RPH3A: variants seen among roughly 807,000 people sequenced by gnomAD.
RPH3A encodes rabphilin 3A, also known as rabphilin-3A.
Under a neutral mutation model 102.2 loss-of-function variants are expected in RPH3A, and 48 were observed. That is an observed-to-expected ratio of 0.47 (90% CI 0.37 to 0.60). The LOEUF is 0.60. RPH3A is among the 20% of genes least tolerant of loss of function. The pLI, the probability that RPH3A is intolerant of heterozygous loss-of-function variation, is 0.00. For missense variants in RPH3A, 781 were observed against 910.1 expected (o/e 0.86, Z 1.83); for synonymous variants, 310 against 324.3 (o/e 0.96, Z 0.47).
At position 112,713,054 on chromosome 12, in the gene RPH3A, T is replaced by C. The variant is rs946695624; in HGVS notation, c.-139-79089T>C. Among the ~76,000 whole-genome samples, 132 of 63,504 alleles carry C rather than the reference T, an allele frequency of 2.1e-3. 2 individuals are homozygous for C. Among genetic ancestry groups the C allele is most frequent in the Middle Eastern group, 6.1e-3 (1 of 164 alleles). 41.7% of individuals were successfully genotyped at this position (63,504 alleles called of 152,430 possible). On this transcript the variant is annotated intron_variant, in intron 1 of 21. Coordinates refer to the RPH3A transcript ENST00000543106. Reference sequence around the variant, plus strand: ...TTCTTCTTCTTCTTCTTCTTCTCCTTCTTCTTCTTCTTCTTCTTCTTCTTC... The same window carrying C: ...TTCTTCTTCTTCTTCTTCTTCTCCTCCTTCTTCTTCTTCTTCTTCTTCTTC...
chr12:112,746,078 A>G (rs1036389082), intron 1 of RPH3A, among the ~76,000 whole-genome samples: 13 of 152,136 alleles, frequency 8.5e-5, no homozygotes, highest in African/African-American at 2.9e-4. Context: ...CTTCCTTGTC[A>G]GAGTACTACG....
chr12:112,675,476 C>T (rs1404888040), intron 1 of RPH3A, among the ~76,000 whole-genome samples: 1 of 152,192 alleles, frequency 6.6e-6, no homozygotes, highest in Non-Finnish European at 1.5e-5. Context: ...TGATTCTCCT[C>T]ATCTTGCAGG....
At chr12:112,724,712 T>C (rs1196195236) in intron 1 of RPH3A, among the ~76,000 whole-genome samples, 1 of 152,234 alleles carries the variant, frequency 6.6e-6, no homozygotes, top group African/African-American at 2.4e-5. Flanking sequence ...CTCACGCCTG[T>C]AATCCTAGCA....
intron 1 of RPH3A, among the ~76,000 whole-genome samples, chr12:112,706,788 G>T (rs2040430127): frequency 6.6e-6 from 1 of 152,158 alleles, no homozygotes; most frequent in Admixed American, 6.5e-5. Flanking sequence ...GAGAGATAGG[G>T]TTTGGAGTCT....
At chr12:112,647,539 C>A (rs1192024927) in intron 1 of RPH3A, among the ~76,000 whole-genome samples, 3 of 151,982 alleles carry the variant, frequency 2.0e-5, no homozygotes, top group Non-Finnish European at 4.4e-5. Flanking sequence ...ATGCTGCAAT[C>A]AACAGAATAA....
At chr12:112,609,371 C>T (rs1463182291) in intron 1 of RPH3A, among the ~76,000 whole-genome samples, 1 of 152,188 alleles carries the variant, frequency 6.6e-6, no homozygotes, top group African/African-American at 2.4e-5. Flanking sequence ...GCAGATCTGA[C>T]CATTCACTCA....
chr12:112,701,979 A>ATT (rs750454963), intron 1 of RPH3A, among the ~76,000 whole-genome samples: 2 of 152,196 alleles, frequency 1.3e-5, no homozygotes, highest in Non-Finnish European at 2.9e-5. Context: ...CATTTTTGCG[A>ATT]TTAAGAGCAG....
intron 1 of RPH3A, among the ~76,000 whole-genome samples, chr12:112,618,715 T>C (rs1317481769): frequency 1.3e-5 from 2 of 152,216 alleles, no homozygotes; most frequent in Non-Finnish European, 2.9e-5. Flanking sequence ...ATATAATTCT[T>C]ATACCATACA....
intron 1 of RPH3A, among the ~76,000 whole-genome samples, chr12:112,600,786 C>A (rs1311935174): frequency 6.6e-6 from 1 of 152,078 alleles, no homozygotes; most frequent in Admixed American, 6.6e-5. Flanking sequence ...ACCTCAGTAC[C>A]AATTTACTAT....
chr12:112,848,629 T>C (rs985759091), intron 5 of RPH3A, among the ~76,000 whole-genome samples: 1 of 152,118 alleles, frequency 6.6e-6, no homozygotes, highest in Admixed American at 6.5e-5. Context: ...CACTATGTGT[T>C]TAATAAATGG....
chr12:112,616,216 G>C (rs1261854615), intron 1 of RPH3A, among the ~76,000 whole-genome samples: 1 of 152,096 alleles, frequency 6.6e-6, no homozygotes, highest in African/African-American at 2.4e-5. Flanking sequence ...GCATGGTCTC[G>C]GCTCACTGCA....
At chr12:112,859,823 C>A (rs1009471975) in intron 5 of RPH3A, among the ~76,000 whole-genome samples, 1 of 152,230 alleles carries the variant, frequency 6.6e-6, no homozygotes, top group Non-Finnish European at 1.5e-5. Flanking sequence ...TGAACATTCT[C>A]CCCAGCTGAT....
chr12:112,711,468 G>A (rs58665628), intron 1 of RPH3A, among the ~76,000 whole-genome samples: 14,178 of 152,184 alleles, frequency 0.093, 750 homozygotes, highest in South Asian at 0.14. Context: ...TGAAATGATA[G>A]CAATGCAATA....
Position 112,870,031 on chromosome 12 carries a change from G to T in RPH3A, c.788G>T (p.Ser263Ile). ...HSGGAGDSSR[S>I]PAGLRRANSV... ...GGGGGTGCTGGAGACTCCAGCCGGA[G>T]CCCAGCAGGTGAGCAAGATGGGCAA... The change falls in exon 10 of 22, where the codon AGC (serine) becomes ATC (isoleucine). Residue 263 changes from serine (S) to isoleucine (I), a missense_variant. Physicochemically the swap from Ser to Ile is moderately radical, Grantham distance 142. Transcript: ENST00000389385. The T allele has an allele frequency of 1.1e-5, 17 of 1,612,078 alleles. No homozygotes were observed. Among genetic ancestry groups the T allele is most frequent in the Non-Finnish European group, 1.4e-5 (16 of 1,179,360 alleles).
At chr12:112,778,795 C>T (rs1207583736) in intron 1 of RPH3A, among the ~76,000 whole-genome samples, 1 of 152,158 alleles carries the variant, frequency 6.6e-6, no homozygotes, top group Non-Finnish European at 1.5e-5. Context: ...CCTAAGAATG[C>T]CTGCAAAAGT....
chr12:112,695,622 C>T (rs772980756), intron 1 of RPH3A, among the ~76,000 whole-genome samples: 13 of 152,130 alleles, frequency 8.5e-5, no homozygotes, highest in Non-Finnish European at 1.6e-4. Flanking sequence ...ATTTTATTTC[C>T]ACATAATCTT....
At chr12:112,670,591 C>T (rs575120886) in intron 1 of RPH3A, among the ~76,000 whole-genome samples, 1 of 152,230 alleles carries the variant, frequency 6.6e-6, no homozygotes, top group Non-Finnish European at 1.5e-5. Context: ...CAGATTTAAG[C>T]TGGATTGAAC....
Position 112,864,408 on chromosome 12 carries a change from G to A in RPH3A, c.231-1006G>A, listed in dbSNP as rs568043556. On this transcript the variant is annotated intron_variant, in intron 5 of 21. Coordinates refer to ENST00000389385, the MANE Select transcript of RPH3A (RefSeq NM_001143854.2). Reference sequence around the variant, plus strand: ...AGAGGTTGCAGTGAGCCCAGATCGCGCCACTGCACTCCAGCCTGGGTGACA... The same window carrying A: ...AGAGGTTGCAGTGAGCCCAGATCGCACCACTGCACTCCAGCCTGGGTGACA... Among the ~76,000 whole-genome samples the A allele has an allele frequency of 3.3e-4, 47 of 142,358 alleles. 1 individual carries two copies. The highest frequency in any genetic ancestry group is 1.1e-3 in the African/African-American group (40 of 37,554). 93.4% of individuals were successfully genotyped at this position (142,358 alleles called of 152,430 possible). A position where few individuals can be genotyped will look rare whatever the true frequency, so the allele number is the denominator to read the frequency against.
chr12:112,665,488 A>C (rs752083173), intron 1 of RPH3A, among the ~76,000 whole-genome samples: 2 of 152,222 alleles, frequency 1.3e-5, no homozygotes, highest in African/African-American at 4.8e-5. Flanking sequence ...CTTATGCCTC[A>C]GTTTCCTCAT....
Sources: gnomAD v4.1 joint callset for allele counts (sites outside exome capture counted in the v4.1 genomes callset) on GRCh38, gnomAD v4.1.1 for gene constraint, MANE v1.5 for transcripts, NCBI Gene and HGNC (gene_info 2026-07-23, HGNC 2026-07-21) for gene names.